Variants in GARS1 observed in about 807,000 individuals in gnomAD.
GARS1 encodes the protein glycine--tRNA ligase.
Under a neutral mutation model 86.4 loss-of-function variants are expected in GARS1, and 46 were observed. The observed-to-expected ratio is 0.53, with a 90% CI of 0.42 to 0.68. The LOEUF (loss-of-function observed/expected upper bound fraction) is 0.68. Among genes scored for constraint, GARS1 ranks in the 30% least tolerant of loss-of-function variants. GARS1 has a pLI of 0.00. For missense variants in GARS1, 797 were observed against 915.6 expected (o/e 0.87, Z 1.67); for synonymous variants, 342 against 329.8 (o/e 1.04, Z -0.40).
intron 12 of GARS1, among the ~76,000 whole-genome samples, chr7:30,625,201 C>G (rs1333897932): frequency 2.6e-5 from 4 of 152,322 alleles, no homozygotes; most frequent in Admixed American, 2.0e-4. Context: ...ACCTTGACCT[C>G]CCAAAGTGCT....
At chr7:30,594,857 C>G, upstream of GARS1, 4 of 1,386,444 alleles carry the variant, frequency 2.9e-6, no homozygotes, top group Admixed American at 4.0e-5. Context: ...TCATCATGCT[C>G]CGAGCCGGGC....
At chr7:30,615,334 T>C (rs1241990252) in intron 8 of GARS1, among the ~76,000 whole-genome samples, 1 of 152,240 alleles carries the variant, frequency 6.6e-6, no homozygotes, top group Non-Finnish European at 1.5e-5. Context: ...TAATTTCCCA[T>C]TCTTTGAAAT....
Position 30,600,050 on chromosome 7 carries a change from G to T in GARS1, c.427+1G>T. On this transcript the variant is annotated splice_donor_variant, in intron 3 of 16. Coordinates refer to ENST00000389266, the MANE Select transcript of GARS1 (RefSeq NM_002047.4). LOFTEE classifies it high-confidence loss of function. ...GATCAAGCTTTTGCTATTTATGGAG[G>T]TAAGGGATTAATGACAAAAAGAACT... 6.3e-7 allele frequency: 1 copy of T among 1,597,842 alleles called. No homozygotes were observed.
intron 7 of GARS1, among the ~76,000 whole-genome samples, chr7:30,611,118 C>T (rs1282868908): frequency 6.6e-6 from 1 of 152,170 alleles, no homozygotes; most frequent in East Asian, 1.9e-4. Context: ...CACAGAATAT[C>T]TTCTAGGAAA....
chr7:30,603,900 C>G (rs1026330600), intron 6 of GARS1, among the ~76,000 whole-genome samples: 5 of 152,086 alleles, frequency 3.3e-5, no homozygotes, highest in African/African-American at 1.2e-4. Context: ...GTGGAGACTT[C>G]GGGGCAGATA....
Position 30,598,664 on chromosome 7 carries a change from G to A in GARS1, c.223-132G>A, listed in dbSNP as rs117505203. 12,279 of 735,206 alleles carry A rather than the reference G, an allele frequency of 0.017. 154 individuals are homozygous for A. Among genetic ancestry groups the A allele is most frequent in the Middle Eastern group, 0.022 (82 of 3,784 alleles). 45.5% of individuals were successfully genotyped at this position (735,206 alleles called of 1,614,324 possible). A position where few individuals can be genotyped will look rare whatever the true frequency, so the allele number is the denominator to read the frequency against. The stretch of plus-strand genomic sequence containing the variant: ...CTTTCAAAGTGCTGGTATTACAGGC[G>A]TGAGCCACCACGCTTGGCCTGAATT... On this transcript the variant is annotated intron_variant, in intron 1 of 16. Transcript: ENST00000389266.
At chr7:30,617,794 C>T (rs111981863) in intron 10 of GARS1, among the ~76,000 whole-genome samples, 2 of 152,186 alleles carry the variant, frequency 1.3e-5, no homozygotes, top group African/African-American at 4.8e-5. Context: ...CCCTCCTGCC[C>T]CTGTGCCCTG....
chr7:30,596,112 G>GTA (rs1190604322), intron 1 of GARS1, among the ~76,000 whole-genome samples: 3 of 152,334 alleles, frequency 2.0e-5, no homozygotes, highest in South Asian at 2.1e-4. Flanking sequence ...TCATGACTTA[G>GTA]TAGTAAACAC....
At chr7:30,625,905 T>C (rs995290315) in intron 12 of GARS1, among the ~76,000 whole-genome samples, 1 of 152,248 alleles carries the variant, frequency 6.6e-6, no homozygotes, top group Non-Finnish European at 1.5e-5. Context: ...AAAGTTGTTA[T>C]TATTCTAAAA....
intron 6 of GARS1, among the ~76,000 whole-genome samples, chr7:30,608,629 A>T (rs1011217088): frequency 6.6e-6 from 1 of 152,204 alleles, no homozygotes; most frequent in Non-Finnish European, 1.5e-5. Flanking sequence ...TGGAAATACC[A>T]TTGGATTTAT....
chr7:30,598,686 A>C (rs1489742357), intron 1 of GARS1, 110 bp from the exon 2 acceptor site: 1 of 884,038 alleles, frequency 1.1e-6, no homozygotes, highest in Middle Eastern at 2.2e-4. Flanking sequence ...GCTTGGCCTG[A>C]ATTGCATCAT....
At chr7:30,614,086 A>G (rs1023472858) in intron 8 of GARS1, among the ~76,000 whole-genome samples, 6 of 152,210 alleles carry the variant, frequency 3.9e-5, no homozygotes, top group Non-Finnish European at 8.8e-5. Flanking sequence ...CCTCCTATCT[A>G]TGAGCTGAGA....
chr7:30,599,284 C>G (rs1247819668), intron 2 of GARS1, among the ~76,000 whole-genome samples: 1 of 152,240 alleles, frequency 6.6e-6, no homozygotes, highest in African/African-American at 2.4e-5. Context: ...AACAATAGAT[C>G]TCCCATCACC....
chr7:30,595,174 T>G (rs1791219841), intron 1 of GARS1, 31 bp downstream of exon 1: 1 of 1,518,268 alleles, frequency 6.6e-7, no homozygotes, highest in African/African-American at 1.4e-5. Flanking sequence ...CCGCTAAGCC[T>G]CCGGCTCTCC....
Position 30,622,379 on chromosome 7 carries a change from G to A in GARS1, c.1530G>A (p.Lys510=), listed in dbSNP as rs1442448291. The A allele has an allele frequency of 2.5e-6, 4 of 1,613,998 alleles. No individual in the cohort carries two copies. In the African/African-American group the frequency reaches 5.3e-5, roughly 22 times the overall value. Residue 510 remains lysine, a synonymous_variant, in exon 12 of 17, where the codon AAG becomes AAA. Coordinates refer to ENST00000389266, the MANE Select transcript of GARS1 (RefSeq NM_002047.4). ...GAGCAATTGGTAAGGCATATAAGAAGGATGCAAAACTGGTGATGGAGTATC... is the reference window on the plus strand; with the variant it reads ...GAGCAATTGGTAAGGCATATAAGAAAGATGCAAAACTGGTGATGGAGTATC... The part of the protein sequence containing the change: ...SKGAIGKAYK[K]DAKLVMEYLA...
intron 12 of GARS1, 77 bp downstream of exon 12, chr7:30,622,539 A>G (rs1431716277): frequency 6.4e-7 from 1 of 1,566,016 alleles, no homozygotes; most frequent in African/African-American, 1.4e-5. Flanking sequence ...GGATGAGATT[A>G]ATTTCTTAAG....
chr7:30,622,321 C>T lies in GARS1; in HGVS notation c.1472C>T (p.Thr491Ile). Residue 491 changes from threonine to isoleucine, a missense_variant, in exon 12 of 17, where the codon ACA becomes ATA. By Grantham distance (89) the Thr-to-Ile change is moderately conservative. Transcript: ENST00000389266. ...VAEKPLKEPK[T>I]VNVVQFEPSK... Reference sequence around the variant, plus strand: ...GATTCCTTGACTACTTCATACAAAACAGTCAATGTTGTTCAGTTTGAACCC... The same window carrying T: ...GATTCCTTGACTACTTCATACAAAATAGTCAATGTTGTTCAGTTTGAACCC... The T allele has an allele frequency of 1.2e-6, 2 of 1,614,094 alleles. No homozygotes were observed. Among genetic ancestry groups the T allele is most frequent in the African/African-American group, 1.3e-5 (1 of 75,052 alleles).
rs536900755 is a variant in GARS1, at chr7:30,618,436, C to T, written c.1359+1158C>T. On this transcript the variant is annotated intron_variant, in intron 10 of 16. Transcript: ENST00000389266. Reference sequence around the variant, plus strand: ...ATTGCTTGAGCTCAGAAATTTGAGACCAGCCTGGGCAACATAGCAAGACCC... The same window carrying T: ...ATTGCTTGAGCTCAGAAATTTGAGATCAGCCTGGGCAACATAGCAAGACCC... Among the ~76,000 whole-genome samples, 14 of 152,200 alleles carry T rather than the reference C, an allele frequency of 9.2e-5. No individual in the cohort carries two copies. In the South Asian group the frequency reaches 2.9e-3, roughly 32 times the overall value.
At chr7:30,616,839 A>G (rs1782898449) in intron 9 of GARS1, among the ~76,000 whole-genome samples, 1 of 152,210 alleles carries the variant, frequency 6.6e-6, no homozygotes, top group Non-Finnish European at 1.5e-5. Flanking sequence ...ATTTAGAGGT[A>G]TGAGGTACTG....
Sources: gnomAD v4.1 joint callset for allele counts (sites outside exome capture counted in the v4.1 genomes callset) on GRCh38, gnomAD v4.1.1 for gene constraint, MANE v1.5 for transcripts, NCBI Gene and HGNC (gene_info 2026-07-23, HGNC 2026-07-21) for gene names.